RNF2: variants seen among roughly 807,000 people sequenced by gnomAD.
The protein encoded by RNF2 is E3 ubiquitin-protein ligase RING2.
Under a neutral mutation model 37.2 loss-of-function variants are expected in RNF2, and 6 were observed. The ratio of observed to expected loss-of-function variants is 0.16; its 90% CI spans 0.09 to 0.32. The LOEUF (loss-of-function observed/expected upper bound fraction) is 0.32. Ranked by LOEUF, RNF2 falls within the 10% of genes least tolerant of loss-of-function variation. RNF2 has a pLI of 1.00. For missense variants in RNF2, 251 were observed against 404.0 expected (o/e 0.62, Z 3.25); for synonymous variants, 133 against 132.7 (o/e 1.00, Z -0.02).
chr1:185,080,586 A>G (rs1325227625), intron 1 of RNF2, among the ~76,000 whole-genome samples: 2 of 152,232 alleles, frequency 1.3e-5, no homozygotes, highest in East Asian at 3.8e-4. Context: ...TCCATGTGGT[A>G]GTATTTAAGA....
intron 1 of RNF2, among the ~76,000 whole-genome samples, chr1:185,061,292 T>C (rs1650594818): frequency 6.6e-6 from 1 of 151,836 alleles, no homozygotes; most frequent in African/African-American, 2.4e-5. Flanking sequence ...CATGCCCGGC[T>C]AATTTTTTGT....
intron 1 of RNF2, among the ~76,000 whole-genome samples, chr1:185,084,782 G>A (rs1398242551): frequency 6.6e-6 from 1 of 152,146 alleles, no homozygotes; most frequent in Non-Finnish European, 1.5e-5. Flanking sequence ...AATTCTACCA[G>A]GAGAAGCTTG....
In RNF2 at chr1:185,098,058, T is replaced by C. The variant is rs1341635475; in HGVS notation, c.465-14T>C. 1.9e-6 allele frequency: 3 copies of C among 1,607,650 alleles called. No homozygotes were observed. Among genetic ancestry groups the C allele is most frequent in the East Asian group, 4.5e-5 (2 of 44,734 alleles). ...AAAGTAAATTTTATGCATCCTTTTTTCCCCCTTGACTAGACTGCAGCGAGG... is the reference window on the plus strand; with the variant it reads ...AAAGTAAATTTTATGCATCCTTTTTCCCCCCTTGACTAGACTGCAGCGAGG... On this transcript the variant is annotated splice_polypyrimidine_tract_variant and intron_variant, in intron 4 of 6. Coordinates refer to ENST00000367510, the MANE Select transcript of RNF2 (RefSeq NM_007212.4).
intron 1 of RNF2, 121 bp from the exon 2 acceptor site, chr1:185,087,431 C>T: frequency 1.3e-6 from 1 of 777,746 alleles, no homozygotes. Flanking sequence ...GTCCCCACCT[C>T]TTAATATTAC....
chr1:185,081,125 C>G (rs1651336054), intron 1 of RNF2, among the ~76,000 whole-genome samples: 1 of 152,146 alleles, frequency 6.6e-6, no homozygotes, highest in African/African-American at 2.4e-5. Flanking sequence ...ATAATCAAAA[C>G]TAGGCTCAAA....
intron 2 of RNF2, among the ~76,000 whole-genome samples, chr1:185,090,045 C>T (rs763606711): frequency 9.2e-5 from 14 of 152,046 alleles, no homozygotes; most frequent in Non-Finnish European, 1.6e-4. Flanking sequence ...CTTCAGCCTC[C>T]CAAGTAGCTG....
At chr1:185,045,988 G>C (rs984469976) in intron 1 of RNF2, 1 of 152,158 alleles carries the variant, frequency 6.6e-6, no homozygotes, top group Non-Finnish European at 1.5e-5. Flanking sequence ...GCTGCGGCGC[G>C]GTCCCCTCGC....
chr1:185,076,047 C>T (rs1429081484), intron 1 of RNF2, among the ~76,000 whole-genome samples: 2 of 151,752 alleles, frequency 1.3e-5, no homozygotes, highest in African/African-American at 4.8e-5. Flanking sequence ...TGATGTAGTA[C>T]TCAGTATATA....
chr1:185,082,822 C>A (rs573452570), intron 1 of RNF2, among the ~76,000 whole-genome samples: 53 of 152,200 alleles, frequency 3.5e-4, no homozygotes, highest in African/African-American at 1.2e-3. Flanking sequence ...TTTCCATAGT[C>A]TAAAATAAAC....
chr1:185,070,136 T>C (rs1437165259), intron 1 of RNF2, among the ~76,000 whole-genome samples: 1 of 152,216 alleles, frequency 6.6e-6, no homozygotes, highest in Non-Finnish European at 1.5e-5. Flanking sequence ...CAAATTGAAA[T>C]AATAGAGAAG....
At chr1:185,080,657 AGAAAATTCTGCAAAGTCATGAAG>A (rs1468328883) in intron 1 of RNF2, among the ~76,000 whole-genome samples, 1 of 152,214 alleles carries the variant, frequency 6.6e-6, no homozygotes, top group African/African-American at 2.4e-5. Flanking sequence ...AAGGAAGACT[AGAAAATTCTGCAAAGTCATGAAG>A]ATTGTAGTTT....
chr1:185,074,157 T>C (rs1428032780), intron 1 of RNF2, among the ~76,000 whole-genome samples: 2 of 152,236 alleles, frequency 1.3e-5, no homozygotes, highest in Admixed American at 1.3e-4. Context: ...TGAGGTCCAT[T>C]GGGGTTCCAA....
chr1:185,045,943 C>A (rs1294458817), intron 1 of RNF2, among the ~76,000 whole-genome samples: 3 of 152,158 alleles, frequency 2.0e-5, no homozygotes, highest in African/African-American at 7.2e-5. Context: ...TCGCCGCGAG[C>A]CTTTCGCTGC....
intron 1 of RNF2, among the ~76,000 whole-genome samples, chr1:185,077,326 C>G (rs150322414): frequency 6.6e-6 from 1 of 151,742 alleles, no homozygotes; most frequent in Non-Finnish European, 1.5e-5. Flanking sequence ...CCCTCCCTCT[C>G]TATTTTTTTT....
intron 1 of RNF2, among the ~76,000 whole-genome samples, chr1:185,073,291 TTTTTAA>T (rs1651043614): frequency 6.6e-6 from 1 of 152,146 alleles, no homozygotes. Context: ...TTTCTTTTTA[TTTTTAA>T]TTTTTTAAAA....
At chr1:185,071,932 T>G (rs959916443) in intron 1 of RNF2, 1 of 152,396 alleles carries the variant, frequency 6.6e-6, no homozygotes, top group East Asian at 1.9e-4. Flanking sequence ...CCTCATGACA[T>G]TGGTGAAGAA....
intron 1 of RNF2, among the ~76,000 whole-genome samples, chr1:185,068,533 G>A (rs1010692651): frequency 2.0e-5 from 3 of 152,172 alleles, no homozygotes; most frequent in African/African-American, 7.2e-5. Context: ...GGAGTGATAT[G>A]GTCACAAGCC....
chr1:185,071,949 T>C (rs1273553429), intron 1 of RNF2: 1 of 152,416 alleles, frequency 6.6e-6, no homozygotes. Flanking sequence ...AGAAATGTCA[T>C]GGCAAAGCCA....
rs759032491 is a variant in RNF2, at chr1:185,101,914, A to G, written c.*1613A>G. On this transcript the variant is annotated 3_prime_UTR_variant, in exon 7 of 7. Transcript: ENST00000367510. The stretch of plus-strand genomic sequence containing the variant: ...AATCAAGGGAACTTTTATATATTCA[A>G]TTCCTTTTCTGGTGTAATGTTAAAG... The G allele has an allele frequency of 1.2e-4, 16 of 134,154 alleles. No individual in the cohort carries two copies. The highest frequency in any genetic ancestry group is 6.7e-4 in the East Asian group (3 of 4,510). 8.3% of individuals were successfully genotyped at this position (134,154 alleles called of 1,614,324 possible). A position where few individuals can be genotyped will look rare whatever the true frequency, so the allele number is the denominator to read the frequency against.
Sources: gnomAD v4.1 joint callset for allele counts (sites outside exome capture counted in the v4.1 genomes callset) on GRCh38, gnomAD v4.1.1 for gene constraint, MANE v1.5 for transcripts, NCBI Gene and HGNC (gene_info 2026-07-23, HGNC 2026-07-21) for gene names.